The following PCDHA8 variants were observed in gnomAD, a reference collection of about 807,000 sequenced individuals.
PCDHA8 encodes protocadherin alpha-8.
PCDHA8 carries 53 observed loss-of-function variants against 61.8 expected under a neutral mutation model. The observed-to-expected ratio is 0.86, with a 90% confidence interval of 0.69 to 1.08. The LOEUF is 1.08. Among genes scored for constraint, PCDHA8 ranks in the 50% least tolerant of loss-of-function variants. The pLI is 0.00. For synonymous variants in PCDHA8, 618 were observed against 556.6 expected (o/e 1.11, Z -1.55); for missense variants, 1,293 against 1,245.0 (o/e 1.04, Z -0.58).
At chr5:140,882,086 A>T in intron 1 of PCDHA8, 2 of 1,056,122 alleles carry the variant, frequency 1.9e-6, no homozygotes, top group Non-Finnish European at 2.7e-6. Context: ...GTCGCTCTTC[A>T]CTGAGAACGT....
At chr5:140,984,192 A>G (rs1233193080) in intron 3 of PCDHA8, among the ~76,000 whole-genome samples, 31 of 152,144 alleles carry the variant, frequency 2.0e-4, no homozygotes, top group Admixed American at 2.0e-3. Context: ...ATGACTTTCT[A>G]CCTTGCCTTT....
intron 1 of PCDHA8, chr5:140,857,948 C>T (rs1160932490): frequency 2.5e-6 from 4 of 1,597,436 alleles, no homozygotes; most frequent in African/African-American, 1.3e-5. Flanking sequence ...CAGTACGACG[C>T]GCGCTCTGGA....
At chr5:140,921,750 C>T (rs2080373281) in intron 1 of PCDHA8, among the ~76,000 whole-genome samples, 2 of 152,056 alleles carry the variant, frequency 1.3e-5, no homozygotes, top group African/African-American at 4.8e-5. Context: ...CATAACAGGA[C>T]ACTTCTTGGC....
At position 140,841,787 on chromosome 5, in the gene PCDHA8, G is replaced by T; in HGVS notation, c.466G>T (p.Gly156Cys). 6.2e-7 allele frequency: 1 copy of T among 1,613,878 alleles called. No individual in the cohort carries two copies. Among genetic ancestry groups the T allele is most frequent in the Non-Finnish European group, 8.5e-7 (1 of 1,179,854 alleles). ...GCCAGACTCTCGGTTTCCGCTAGAG[G>T]GCGCGTCCGATGCAGATGTTGGAGC... ...RMPDSRFPLE[G>C]ASDADVGANS... Residue 156 changes from glycine (G) to cysteine (C), a missense_variant, in exon 1 of 4, where the codon GGC becomes TGC. By Grantham distance (159) the Gly-to-Cys change is radical. Transcript: ENST00000531613.
chr5:140,876,306 C>A (rs2056271023), intron 1 of PCDHA8: 1 of 1,613,986 alleles, frequency 6.2e-7, no homozygotes, highest in Non-Finnish European at 8.5e-7. Context: ...GAGAAATTTC[C>A]TATGGGATCA....
Position 140,928,772 on chromosome 5 carries a change from C to T in PCDHA8, c.2395-50177C>T, listed in dbSNP as rs1554206297. The stretch of plus-strand genomic sequence containing the variant: ...CGTACTGCTCGCTTAGTTCTTCCCA[C>T]TGATGCAGTTAAGCAGAGGGTGGTG... On this transcript the variant is annotated intron_variant, in intron 1 of 3. Coordinates refer to ENST00000531613, the MANE Select transcript of PCDHA8 (RefSeq NM_018911.3). The T allele has an allele frequency of 2.5e-6, 4 of 1,614,054 alleles. No individual in the cohort carries two copies. The East Asian group carries it at 6.7e-5, about 27-fold the overall frequency.
intron 1 of PCDHA8, among the ~76,000 whole-genome samples, chr5:140,950,301 T>G (rs1467140584): frequency 6.6e-6 from 1 of 152,076 alleles, no homozygotes; most frequent in Non-Finnish European, 1.5e-5. Context: ...AAACTTTACT[T>G]AGCAGTTTTT....
In PCDHA8 at chr5:140,961,349, T is replaced by C. The variant is rs1352312577; in HGVS notation, c.2395-17600T>C. Among the ~76,000 whole-genome samples the C allele has an allele frequency of 2.0e-5, 3 of 152,204 alleles. No individual in the cohort carries two copies. The East Asian group carries it at 5.8e-4, about 29-fold the overall frequency. On this transcript the variant is annotated intron_variant, in intron 1 of 3. Coordinates refer to ENST00000531613, the MANE Select transcript of PCDHA8 (RefSeq NM_018911.3). Reference sequence around the variant, plus strand: ...TTGAGAGACCAAGAGTGGATCCCTGTAGTCCCCATTAGAATTCTCCTTCTA... The same window carrying C: ...TTGAGAGACCAAGAGTGGATCCCTGCAGTCCCCATTAGAATTCTCCTTCTA...
At chr5:140,937,370 TTATG>T (rs2091504322) in intron 1 of PCDHA8, among the ~76,000 whole-genome samples, 1 of 152,120 alleles carries the variant, frequency 6.6e-6, no homozygotes, top group South Asian at 2.1e-4. Flanking sequence ...ATCTTAATGT[TTATG>T]TGTGTGTATG....
At chr5:140,910,311 A>G (rs928675389) in intron 1 of PCDHA8, among the ~76,000 whole-genome samples, 4 of 152,224 alleles carry the variant, frequency 2.6e-5, no homozygotes, top group African/African-American at 9.6e-5. Context: ...AGAGATCTAC[A>G]TGAGTCAGAC....
chr5:140,938,599 C>T (rs1554212246), intron 1 of PCDHA8, among the ~76,000 whole-genome samples: 1 of 152,048 alleles, frequency 6.6e-6, no homozygotes, highest in African/African-American at 2.4e-5. Flanking sequence ...ATAAACCAAT[C>T]TTGCATTCTT....
chr5:141,008,284 GC>G (rs2098367825), intron 3 of PCDHA8, among the ~76,000 whole-genome samples: 1 of 152,150 alleles, frequency 6.6e-6, no homozygotes, highest in Admixed American at 6.5e-5. Context: ...AATTGAAATA[GC>G]AGTTGTACCC....
At chr5:140,884,046 A>T in intron 1 of PCDHA8, 1 of 1,613,474 alleles carries the variant, frequency 6.2e-7, no homozygotes, top group Non-Finnish European at 8.5e-7. Flanking sequence ...GTGGTGGCGA[A>T]GGTGCGCGCG....
chr5:140,849,729 G>C lies in PCDHA8; in HGVS notation c.2394+6014G>C, dbSNP rs1180272167. 2.5e-6 allele frequency: 4 copies of C among 1,598,492 alleles called. 1 individual carries two copies. Among genetic ancestry groups the C allele is most frequent in the Non-Finnish European group, 3.4e-6 (4 of 1,168,006 alleles). On this transcript the variant is annotated intron_variant, in intron 1 of 3. Coordinates refer to ENST00000531613, the MANE Select transcript of PCDHA8 (RefSeq NM_018911.3). Reference sequence around the variant, plus strand: ...TTACTACTCGTTGGTGCTGGACAGAGCTCTGGACCGCGAGAGTGTGTCCGC... The same window carrying C: ...TTACTACTCGTTGGTGCTGGACAGACCTCTGGACCGCGAGAGTGTGTCCGC...
At chr5:140,921,621 A>G (rs1274986378) in intron 1 of PCDHA8, among the ~76,000 whole-genome samples, 1 of 152,222 alleles carries the variant, frequency 6.6e-6, no homozygotes, top group African/African-American at 2.4e-5. Context: ...ATATCATCAG[A>G]TCATCATTAT....
In PCDHA8 at chr5:140,945,883, GAA is replaced by G. The variant is rs2093856247; in HGVS notation, c.2395-33063_2395-33062del. On this transcript the variant is annotated intron_variant, in intron 1 of 3. Transcript: ENST00000531613. ...GACCTGAAATTGTAAAACTAACAAA[GAA>G]AACACAGTGGGAAAGATGAAAGATC... Among the ~76,000 whole-genome samples the G allele has an allele frequency of 2.6e-5, 4 of 152,104 alleles. No homozygotes were observed. The South Asian group carries it at 8.3e-4, about 32-fold the overall frequency.
chr5:140,926,641 C>A, intron 1 of PCDHA8: 1 of 460,388 alleles, frequency 2.2e-6, no homozygotes, highest in Non-Finnish European at 3.6e-6. Flanking sequence ...TCCTCAACAC[C>A]CGGCCGGCTC....
chr5:140,868,928 A>C, intron 1 of PCDHA8: 1 of 1,070,100 alleles, frequency 9.3e-7, no homozygotes, highest in Non-Finnish European at 1.3e-6. Flanking sequence ...AGTTCATTTA[A>C]AGGTTGGTCT....
At chr5:140,986,371 G>C (rs1453761888) in intron 3 of PCDHA8, among the ~76,000 whole-genome samples, 1 of 152,116 alleles carries the variant, frequency 6.6e-6, no homozygotes, top group Non-Finnish European at 1.5e-5. Flanking sequence ...AATGCGTTTT[G>C]GGGGGAGGGA....
Sources: allele counts gnomAD v4.1 joint callset (sites outside exome capture counted in the v4.1 genomes callset), GRCh38; gene constraint gnomAD v4.1.1; transcripts MANE v1.5; gene names NCBI Gene and HGNC (gene_info 2026-07-23, HGNC 2026-07-21).